PHACTR1: variants seen among roughly 807,000 people sequenced by gnomAD.
PHACTR1 encodes phosphatase and actin regulator 1.
Under a neutral mutation model 69.2 loss-of-function variants are expected in PHACTR1, and 16 were observed. The ratio of observed to expected loss-of-function variants is 0.23; its 90% CI spans 0.16 to 0.35. The LOEUF is 0.35. Among genes scored for constraint, PHACTR1 ranks in the 10% least tolerant of loss-of-function variants. The pLI is 1.00. For missense variants in PHACTR1, 510 were observed against 734.7 expected (o/e 0.69, Z 3.54); for synonymous variants, 312 against 284.5 (o/e 1.10, Z -0.97).
chr6:13,142,826 G>A (rs1458085324), intron 5 of PHACTR1, among the ~76,000 whole-genome samples: 1 of 146,154 alleles, frequency 6.8e-6, no homozygotes, highest in Non-Finnish European at 1.5e-5. Flanking sequence ...TACTAAAATT[G>A]AGAAGTGTGA....
intron 13 of PHACTR1, among the ~76,000 whole-genome samples, chr6:13,285,688 G>T (rs1203275302): frequency 6.6e-6 from 1 of 152,228 alleles, no homozygotes; most frequent in Non-Finnish European, 1.5e-5. Flanking sequence ...CAAACTGTTG[G>T]TAGGGAGCTG....
chr6:12,909,374 G>C (rs1418103649), intron 4 of PHACTR1, among the ~76,000 whole-genome samples: 1 of 152,128 alleles, frequency 6.6e-6, no homozygotes, highest in Admixed American at 6.5e-5. Flanking sequence ...CACAGTTCCA[G>C]GCTATTAGGA....
intron 8 of PHACTR1, among the ~76,000 whole-genome samples, chr6:13,218,628 T>G (rs1357153721): frequency 6.6e-6 from 1 of 152,026 alleles, no homozygotes; most frequent in African/African-American, 2.4e-5. Context: ...GAGACCAGTC[T>G]GGCCAACATA....
intron 4 of PHACTR1, among the ~76,000 whole-genome samples, chr6:12,768,109 C>CTTTTTTTT (rs781107897): frequency 4.6e-5 from 5 of 107,586 alleles, no homozygotes; most frequent in Non-Finnish European, 7.4e-5. Flanking sequence ...CTATCAAATC[C>CTTTTTTTT]TTTTTTTTTT....
intron 4 of PHACTR1, among the ~76,000 whole-genome samples, chr6:12,891,788 T>C (rs1448691688): frequency 6.6e-6 from 1 of 152,234 alleles, no homozygotes; most frequent in Non-Finnish European, 1.5e-5. Flanking sequence ...GTTTTGTACA[T>C]AGTAACAGTT....
chr6:12,981,108 T>C (rs145089916), intron 4 of PHACTR1, among the ~76,000 whole-genome samples: 64 of 152,346 alleles, frequency 4.2e-4, no homozygotes, highest in African/African-American at 1.4e-3. Context: ...TCCTGCAACA[T>C]TGCATTTAAT....
rs189646444 is a variant in PHACTR1 at position 12,874,492 on chromosome 6, G to A, written c.250+124702G>A. The stretch of plus-strand genomic sequence containing the variant: ...ATCTTTCTTCTTCCTCAAAACAAGG[G>A]TTATACCGTAGACACCCTAGGACTT... On this transcript the variant is annotated intron_variant, in intron 4 of 14. Coordinates refer to ENST00000332995, the MANE Select transcript of PHACTR1 (RefSeq NM_030948.6). 2.7e-3 allele frequency among the ~76,000 whole-genome samples: 417 copies of A among 152,224 alleles called. 3 individuals are homozygous for A. Among genetic ancestry groups the A allele is most frequent in the Non-Finnish European group, 3.8e-3 (256 of 68,012 alleles).
At chr6:13,006,595 T>C (rs191495657) in intron 4 of PHACTR1, among the ~76,000 whole-genome samples, 1 of 151,140 alleles carries the variant, frequency 6.6e-6, no homozygotes, top group Admixed American at 6.6e-5. Flanking sequence ...TAAGGTGATA[T>C]ATACACAACT....
intron 5 of PHACTR1, among the ~76,000 whole-genome samples, chr6:13,057,301 G>A (rs1806947075): frequency 6.6e-6 from 1 of 152,064 alleles, no homozygotes; most frequent in South Asian, 2.1e-4. Flanking sequence ...AAAGGAAAAA[G>A]GGGTTCAGGG....
intron 5 of PHACTR1, among the ~76,000 whole-genome samples, chr6:13,064,163 G>A (rs766435675): frequency 6.6e-6 from 1 of 152,068 alleles, no homozygotes; most frequent in Non-Finnish European, 1.5e-5. Context: ...TGGTTAGCAG[G>A]TGGTTGATTA....
rs1427330816 is a variant in PHACTR1, at chr6:13,053,520, A to T, written c.406A>T (p.Thr136Ser). The change falls in exon 5 of 15, where the codon ACG becomes TCG. Residue 136 changes from threonine to serine, a missense_variant. Transcript: ENST00000332995. ...RKKKSEKFKH[T>S]SAALERKISM... ...GAAGAAAAGCGAAAAGTTCAAACAC[A>T]CGTCAGCAGGTAAGATGATTTGTTC... 7.4e-6 allele frequency: 12 copies of T among 1,613,286 alleles called. No individual in the cohort carries two copies. The highest frequency in any genetic ancestry group is 1.3e-5 in the African/African-American group (1 of 74,918).
chr6:12,755,068 C>T (rs1465218077), intron 4 of PHACTR1, among the ~76,000 whole-genome samples: 4 of 152,190 alleles, frequency 2.6e-5, no homozygotes, highest in African/African-American at 9.7e-5. Context: ...AACTTGAACA[C>T]AGAATCTATG....
intron 4 of PHACTR1, among the ~76,000 whole-genome samples, chr6:12,828,800 G>C (rs981000248): frequency 1.3e-5 from 2 of 152,126 alleles, no homozygotes; most frequent in Non-Finnish European, 2.9e-5. Context: ...AATTTGTATG[G>C]TTTTTAGAGG....
intron 10 of PHACTR1, chr6:13,230,498 A>G (rs1770689963): frequency 1.7e-5 from 6 of 356,160 alleles, no homozygotes; most frequent in South Asian, 1.4e-4. Flanking sequence ...GTGAGCCGAG[A>G]TCACACCATT....
intron 5 of PHACTR1, among the ~76,000 whole-genome samples, chr6:13,091,951 C>T (rs1813350678): frequency 6.6e-6 from 1 of 152,146 alleles, no homozygotes; most frequent in South Asian, 2.1e-4. Flanking sequence ...GCGCATATGA[C>T]CACGCCTGGC....
At chr6:12,769,543 G>A (rs1249746626) in intron 4 of PHACTR1, among the ~76,000 whole-genome samples, 1 of 152,116 alleles carries the variant, frequency 6.6e-6, no homozygotes, top group Non-Finnish European at 1.5e-5. Flanking sequence ...TACTTCTTCT[G>A]GGATAAACTG....
intron 4 of PHACTR1, among the ~76,000 whole-genome samples, chr6:13,042,675 C>A (rs897191072): frequency 6.6e-6 from 1 of 152,212 alleles, no homozygotes; most frequent in African/African-American, 2.4e-5. Flanking sequence ...AAGGGATATT[C>A]TAGTGGTGAC....
chr6:13,135,424 G>A lies in PHACTR1; in HGVS notation c.416-24780G>A, dbSNP rs192678784. Among the ~76,000 whole-genome samples, 14 of 152,304 alleles carry A rather than the reference G, an allele frequency of 9.2e-5. No individual in the cohort carries two copies. In the East Asian group the frequency reaches 2.5e-3, roughly 27 times the overall value. On this transcript the variant is annotated intron_variant, in intron 5 of 14. Coordinates refer to ENST00000332995, the MANE Select transcript of PHACTR1 (RefSeq NM_030948.6). ...GCCCTGCACCCCGGATGCAGACTCC[G>A]TAATTCTTCAGGTCAGCCCCAGTTC... is the stretch of plus-strand genomic sequence containing the variant.
intron 3 of PHACTR1, among the ~76,000 whole-genome samples, chr6:12,734,324 G>C (rs2127576342): frequency 1.3e-5 from 2 of 152,298 alleles, no homozygotes; most frequent in South Asian, 4.1e-4. Flanking sequence ...CTCAGCCACA[G>C]TCTTGCTTGG....
Sources: allele counts gnomAD v4.1 joint callset (sites outside exome capture counted in the v4.1 genomes callset), GRCh38; gene constraint gnomAD v4.1.1; transcripts MANE v1.5; gene names NCBI Gene and HGNC (gene_info 2026-07-23, HGNC 2026-07-21).